The following CDH4 variants were observed in gnomAD, a reference collection of about 807,000 sequenced individuals.
CDH4 encodes the protein cadherin 4.
In CDH4, 33 loss-of-function variants were observed where a neutral mutation model predicts 86.0. The observed-to-expected ratio is 0.38, with a 90% CI of 0.29 to 0.51. The LOEUF (loss-of-function observed/expected upper bound fraction) is 0.51. Among genes scored for constraint, CDH4 ranks in the 20% least tolerant of loss-of-function variants. The pLI is 0.86. For missense variants in CDH4, 1,114 were observed against 1,307.4 expected (o/e 0.85, Z 2.28); for synonymous variants, 555 against 549.4 (o/e 1.01, Z -0.14).
chr20:61,874,596 A>G (rs1983940955), intron 7 of CDH4, among the ~76,000 whole-genome samples: 1 of 152,166 alleles, frequency 6.6e-6, no homozygotes, highest in Admixed American at 6.5e-5. Flanking sequence ...TGTCAAGTGC[A>G]GGCGCATCTC....
At position 61,294,937 on chromosome 20, in the gene CDH4, C is replaced by T. The variant is rs138354151; in HGVS notation, c.169+40000C>T. The stretch of plus-strand genomic sequence containing the variant: ...AAACCCCACCCGAGCTCCACCAGGC[C>T]CAGGCCTCTGCCCCAAAAACACGGC... On this transcript the variant is annotated intron_variant, in intron 2 of 15. Coordinates refer to ENST00000614565, the MANE Select transcript of CDH4 (RefSeq NM_001794.5). 8.0e-3 allele frequency among the ~76,000 whole-genome samples: 1,223 copies of T among 152,326 alleles called. 19 individuals carry two copies. Among genetic ancestry groups the T allele is most frequent in the African/African-American group, 0.028 (1,161 of 41,560 alleles).
intron 2 of CDH4, among the ~76,000 whole-genome samples, chr20:61,700,954 G>C (rs922943042): frequency 6.6e-6 from 1 of 152,212 alleles, no homozygotes; most frequent in South Asian, 2.1e-4. Context: ...TTCCAGGGCC[G>C]CCATAACAGA....
chr20:61,605,800 A>G (rs1240667051), intron 2 of CDH4, among the ~76,000 whole-genome samples: 2 of 151,394 alleles, frequency 1.3e-5, no homozygotes, highest in African/African-American at 4.9e-5. Flanking sequence ...TTTGCACATG[A>G]GTGAAGGTCC....
At chr20:61,483,095 C>T (rs983340724) in intron 2 of CDH4, among the ~76,000 whole-genome samples, 1 of 152,218 alleles carries the variant, frequency 6.6e-6, no homozygotes, top group African/African-American at 2.4e-5. Context: ...CAGAGGGAAG[C>T]TTTCTTCCCC....
At chr20:61,715,654 A>C (rs2087944709) in intron 2 of CDH4, among the ~76,000 whole-genome samples, 1 of 152,196 alleles carries the variant, frequency 6.6e-6, no homozygotes, top group Non-Finnish European at 1.5e-5. Flanking sequence ...GCCTCTAGGG[A>C]CAGACATAGG....
At chr20:61,796,521 T>C (rs965201888) in intron 4 of CDH4, among the ~76,000 whole-genome samples, 1 of 152,234 alleles carries the variant, frequency 6.6e-6, no homozygotes, top group African/African-American at 2.4e-5. Context: ...GATGAGGTCC[T>C]GCTTGCCATC....
At chr20:61,660,062 G>C (rs1223824839) in intron 2 of CDH4, among the ~76,000 whole-genome samples, 2 of 152,162 alleles carry the variant, frequency 1.3e-5, no homozygotes, top group Non-Finnish European at 2.9e-5. Context: ...CAGCTCCTCG[G>C]GGATCTGCAC....
chr20:61,332,231 A>T (rs1230491823), intron 2 of CDH4, among the ~76,000 whole-genome samples: 2 of 152,170 alleles, frequency 1.3e-5, no homozygotes, highest in African/African-American at 4.8e-5. Context: ...AGCAAATGTC[A>T]GTCTCTCATC....
chr20:61,913,690 T>C (rs1440298982), intron 9 of CDH4, among the ~76,000 whole-genome samples: 1 of 152,200 alleles, frequency 6.6e-6, no homozygotes, highest in Non-Finnish European at 1.5e-5. Flanking sequence ...CTGGGGATGC[T>C]CCTGAGAAGG....
At chr20:61,454,108 A>C (rs529305089) in intron 2 of CDH4, among the ~76,000 whole-genome samples, 3 of 152,216 alleles carry the variant, frequency 2.0e-5, no homozygotes, top group Non-Finnish European at 4.4e-5. Context: ...AGACTAACAC[A>C]TGGCCATCCT....
At chr20:61,733,912 G>T (rs1446546565) in intron 2 of CDH4, among the ~76,000 whole-genome samples, 1 of 152,232 alleles carries the variant, frequency 6.6e-6, no homozygotes, top group Non-Finnish European at 1.5e-5. Flanking sequence ...TCTCCTGCAT[G>T]CCCGTCTTGG....
chr20:61,565,477 A>G (rs1310498392), intron 2 of CDH4, among the ~76,000 whole-genome samples: 1 of 149,784 alleles, frequency 6.7e-6, no homozygotes, highest in Non-Finnish European at 1.5e-5. Flanking sequence ...TAGAAAGGCT[A>G]TGAGGAAGAG....
At chr20:61,692,037 A>G (rs1011789673) in intron 2 of CDH4, among the ~76,000 whole-genome samples, 2 of 152,190 alleles carry the variant, frequency 1.3e-5, no homozygotes, top group African/African-American at 4.8e-5. Context: ...AGAGCAAGGA[A>G]ATTTCCAGAC....
chr20:61,574,567 G>GA (rs142444209), intron 2 of CDH4, among the ~76,000 whole-genome samples: 2,340 of 151,732 alleles, frequency 0.015, 63 homozygotes, highest in African/African-American at 0.053. Context: ...TAATTACAGA[G>GA]AAAAAAAATG....
intron 2 of CDH4, chr20:61,718,775 A>G (rs549369986): frequency 2.3e-5 from 11 of 471,088 alleles, no homozygotes; most frequent in African/African-American, 2.0e-4. Context: ...ACCCCTGCAC[A>G]CACACACTCT....
intron 4 of CDH4, among the ~76,000 whole-genome samples, chr20:61,824,836 G>C (rs1981236088): frequency 6.6e-6 from 1 of 152,172 alleles, no homozygotes; most frequent in African/African-American, 2.4e-5. Flanking sequence ...GTAAGAACAG[G>C]CTTAACCCTC....
intron 3 of CDH4, among the ~76,000 whole-genome samples, chr20:61,750,438 A>G (rs2088478403): frequency 6.6e-6 from 1 of 152,238 alleles, no homozygotes; most frequent in Non-Finnish European, 1.5e-5. Flanking sequence ...AAAATCCTGC[A>G]CTGTTTTATT....
chr20:61,283,363 CGTGTGTGAT>C (rs1359673481), intron 2 of CDH4, among the ~76,000 whole-genome samples: 4 of 116,306 alleles, frequency 3.4e-5, no homozygotes, highest in African/African-American at 1.1e-4. Flanking sequence ...CGTGCTGTGG[CGTGTGTGAT>C]GTGTGTGCGT....
intron 2 of CDH4, among the ~76,000 whole-genome samples, chr20:61,680,450 G>A (rs992800211): frequency 2.0e-5 from 3 of 152,196 alleles, no homozygotes; most frequent in Non-Finnish European, 4.4e-5. Context: ...GGAGGCTGTG[G>A]GGAGAGTGAG....
Sources: gnomAD v4.1 joint callset for allele counts (sites outside exome capture counted in the v4.1 genomes callset) on GRCh38, gnomAD v4.1.1 for gene constraint, MANE v1.5 for transcripts, NCBI Gene and HGNC (gene_info 2026-07-23, HGNC 2026-07-21) for gene names.